Variants in CPQ observed in about 807,000 individuals in gnomAD.
The protein encoded by CPQ is Ser-Met dipeptidase.
A neutral mutation model predicts 45.7 loss-of-function variants in CPQ; 37 were observed. The ratio of observed to expected loss-of-function variants is 0.81; its 90% CI spans 0.62 to 1.07. CPQ has a LOEUF of 1.07. CPQ is among the 50% of genes least tolerant of loss of function. CPQ has a pLI of 0.00. For synonymous variants in CPQ, 186 were observed against 205.8 expected (o/e 0.90, Z 0.82); for missense variants, 537 against 572.9 (o/e 0.94, Z 0.64).
intron 4 of CPQ, among the ~76,000 whole-genome samples, chr8:96,942,451 T>G (rs548297851): frequency 2.6e-5 from 4 of 152,108 alleles, no homozygotes; most frequent in Non-Finnish European, 5.9e-5. Flanking sequence ...TAGTTTTGGT[T>G]TCTCTGTTTG....
At chr8:96,725,562 AT>A (rs1189850311) in intron 1 of CPQ, among the ~76,000 whole-genome samples, 7 of 152,198 alleles carry the variant, frequency 4.6e-5, no homozygotes, top group Admixed American at 1.3e-4. Context: ...CAGAATTGCC[AT>A]TATTAAAAGA....
chr8:96,911,138 C>A (rs1165903733), intron 4 of CPQ, among the ~76,000 whole-genome samples: 1 of 152,098 alleles, frequency 6.6e-6, no homozygotes, highest in African/African-American at 2.4e-5. Flanking sequence ...TTTTACCCAC[C>A]AGAAGGTTCC....
chr8:96,880,191 A>T (rs1427292306), intron 4 of CPQ, among the ~76,000 whole-genome samples, 186 bp downstream of exon 4: 1 of 152,150 alleles, frequency 6.6e-6, no homozygotes. Flanking sequence ...CACACCAGTC[A>T]GAATGGGTAT....
At chr8:97,078,656 G>C (rs1810890738) in intron 7 of CPQ, among the ~76,000 whole-genome samples, 1 of 152,028 alleles carries the variant, frequency 6.6e-6, no homozygotes, top group African/African-American at 2.4e-5. Flanking sequence ...CTATTGAAAA[G>C]AGTTTTCTGT....
At chr8:96,963,432 G>T (rs80042605) in intron 4 of CPQ, among the ~76,000 whole-genome samples, 307 of 152,226 alleles carry the variant, frequency 2.0e-3, no homozygotes, top group Middle Eastern at 3.4e-3. Context: ...TAGTTTGGGG[G>T]ATTGTGCTTG....
chr8:97,031,875 T>C (rs955301253), intron 6 of CPQ, among the ~76,000 whole-genome samples: 4 of 152,224 alleles, frequency 2.6e-5, no homozygotes, highest in African/African-American at 9.6e-5. Context: ...TACCTCGCCT[T>C]TAAAAAGACA....
intron 6 of CPQ, among the ~76,000 whole-genome samples, chr8:97,039,499 T>TATA: frequency 6.6e-6 from 1 of 152,138 alleles, no homozygotes; most frequent in South Asian, 2.1e-4. Context: ...TTATTATTAT[T>TATA]ATACTTTAAG....
intron 6 of CPQ, among the ~76,000 whole-genome samples, chr8:97,037,878 G>A (rs892743510): frequency 1.3e-5 from 2 of 152,092 alleles, no homozygotes; most frequent in South Asian, 2.1e-4. Flanking sequence ...ACCACCTTGC[G>A]AATAAACATG....
At chr8:96,709,250 A>G (rs1460423483) in intron 1 of CPQ, among the ~76,000 whole-genome samples, 1 of 151,132 alleles carries the variant, frequency 6.6e-6, no homozygotes, top group Admixed American at 6.6e-5. Flanking sequence ...CCCCTCTCCC[A>G]CCCTCTCCGC....
intron 1 of CPQ, among the ~76,000 whole-genome samples, chr8:96,744,269 C>G (rs11780785): frequency 6.6e-6 from 1 of 152,238 alleles, no homozygotes; most frequent in African/African-American, 2.4e-5. Flanking sequence ...CTTTCTTTGA[C>G]TAGGAAAGGG....
intron 7 of CPQ, among the ~76,000 whole-genome samples, chr8:97,117,545 T>C (rs921643842): frequency 6.6e-6 from 1 of 152,018 alleles, no homozygotes; most frequent in African/African-American, 2.4e-5. Flanking sequence ...ATATTCTTCT[T>C]TTTTTTGAGA....
intron 1 of CPQ, among the ~76,000 whole-genome samples, chr8:96,771,699 A>G (rs750457918): frequency 6.6e-6 from 1 of 152,174 alleles, no homozygotes; most frequent in Non-Finnish European, 1.5e-5. Context: ...AGCATGTAAG[A>G]TGTATTCAGC....
intron 4 of CPQ, among the ~76,000 whole-genome samples, chr8:96,914,728 C>T (rs1254633493): frequency 6.6e-6 from 1 of 152,050 alleles, no homozygotes; most frequent in East Asian, 1.9e-4. Flanking sequence ...TTGCTGACTC[C>T]AACTCGCCAT....
chr8:97,074,217 G>A (rs1810803875), intron 7 of CPQ, among the ~76,000 whole-genome samples: 1 of 152,128 alleles, frequency 6.6e-6, no homozygotes. Flanking sequence ...ACTGGATTGA[G>A]GATGAAGAGA....
chr8:96,798,050 CA>C (rs796338469), intron 2 of CPQ, among the ~76,000 whole-genome samples: 204 of 137,478 alleles, frequency 1.5e-3, no homozygotes, highest in Non-Finnish European at 1.6e-3. Context: ...GACTCCATCT[CA>C]AAAAAAAAAA....
At chr8:96,927,497 G>A (rs992204399) in intron 4 of CPQ, among the ~76,000 whole-genome samples, 7 of 152,150 alleles carry the variant, frequency 4.6e-5, no homozygotes, top group Non-Finnish European at 8.8e-5. Context: ...AGCCCCAGGG[G>A]CTCCATTCAC....
intron 4 of CPQ, among the ~76,000 whole-genome samples, chr8:96,909,977 G>A (rs1432748719): frequency 6.6e-6 from 1 of 152,162 alleles, no homozygotes; most frequent in African/African-American, 2.4e-5. Context: ...GGTTGAGCAC[G>A]GGATTTGGAG....
intron 1 of CPQ, among the ~76,000 whole-genome samples, chr8:96,652,083 C>T (rs961101733): frequency 2.6e-5 from 4 of 152,104 alleles, no homozygotes; most frequent in African/African-American, 7.2e-5. Flanking sequence ...AAATTTATTC[C>T]TCTTGTTTAA....
At chr8:96,903,387 G>C (rs1412865003) in intron 4 of CPQ, among the ~76,000 whole-genome samples, 1 of 152,198 alleles carries the variant, frequency 6.6e-6, no homozygotes, top group African/African-American at 2.4e-5. Flanking sequence ...GAACAAGTTA[G>C]ATGTTGATAT....
Sources: allele counts gnomAD v4.1 joint callset (sites outside exome capture counted in the v4.1 genomes callset), GRCh38; gene constraint gnomAD v4.1.1; transcripts MANE v1.5; gene names NCBI Gene and HGNC (gene_info 2026-07-23, HGNC 2026-07-21).